The following DHRSX variants were observed in gnomAD, a reference collection of about 807,000 sequenced individuals.
The protein encoded by DHRSX is dehydrogenase/reductase X-linked.
Under a neutral mutation model 34.0 loss-of-function variants are expected in DHRSX, and 31 were observed. The observed-to-expected ratio is 0.91, with a 90% CI of 0.69 to 1.23. DHRSX has a LOEUF of 1.23. Ranked by LOEUF, DHRSX falls within the 50% of genes most tolerant of loss-of-function variation. DHRSX has a pLI of 0.00. For synonymous variants in DHRSX, 201 were observed against 183.8 expected, an observed-to-expected ratio of 1.09 and a Z score of -0.76; for missense variants, 414 against 428.1, an observed-to-expected ratio of 0.97 and a Z score of 0.29.
At chrX:2,351,069 G>C (rs187353185) in intron 3 of DHRSX, among the ~76,000 whole-genome samples, 1 of 152,010 alleles carries the variant, frequency 6.6e-6, no homozygotes, top group Non-Finnish European at 1.5e-5. Flanking sequence ...ATCACACACC[G>C]GGGCCTGTCA....
intron 3 of DHRSX, among the ~76,000 whole-genome samples, chrX:2,361,160 G>A (rs773487211): frequency 1.3e-5 from 2 of 152,070 alleles, no homozygotes; most frequent in East Asian, 1.9e-4. Context: ...CGCCAGGCTG[G>A]AGTGCAGTGG....
intron 1 of DHRSX, among the ~76,000 whole-genome samples, chrX:2,448,370 TACATAAA>T (rs2044167335): frequency 6.7e-6 from 1 of 150,212 alleles, no homozygotes; most frequent in Non-Finnish European, 1.5e-5. Context: ...TTTTTTCAGT[TACATAAA>T]AGAAATAAAT....
At chrX:2,491,895 TCA>T (rs1362374694) in intron 1 of DHRSX, among the ~76,000 whole-genome samples, 2 of 152,186 alleles carry the variant, frequency 1.3e-5, no homozygotes, top group Non-Finnish European at 2.9e-5. Flanking sequence ...GGTTGAATGC[TCA>T]CACATACAGG....
intron 6 of DHRSX, among the ~76,000 whole-genome samples, chrX:2,241,367 T>A (rs2016137884): frequency 6.6e-6 from 1 of 152,118 alleles, no homozygotes; most frequent in Non-Finnish European, 1.5e-5. Context: ...AGCCTCAAGA[T>A]CTCTCTAACT....
At chrX:2,488,835 C>T in intron 1 of DHRSX, 2 of 1,613,818 alleles carry the variant, frequency 1.2e-6, no homozygotes, top group South Asian at 2.2e-5. Context: ...TTGGCGCTGA[C>T]CACGTTGGCG....
chrX:2,347,608 C>T (rs1341519282), intron 3 of DHRSX, among the ~76,000 whole-genome samples: 4 of 152,116 alleles, frequency 2.6e-5, no homozygotes, highest in African/African-American at 4.8e-5. Context: ...GCAGGAGAAT[C>T]GCTGGAACCC....
intron 3 of DHRSX, among the ~76,000 whole-genome samples, chrX:2,378,173 AG>A (rs2043163546): frequency 6.6e-6 from 1 of 152,256 alleles, no homozygotes; most frequent in African/African-American, 2.4e-5. Flanking sequence ...TTTCTGCTCC[AG>A]GAATGTCCTT....
intron 4 of DHRSX, among the ~76,000 whole-genome samples, chrX:2,283,222 A>G (rs2041753047): frequency 2.0e-5 from 3 of 152,022 alleles, no homozygotes; most frequent in Admixed American, 1.3e-4. Flanking sequence ...GGCAGGGAAC[A>G]GCCTGCCGCA....
At chrX:2,372,255 C>A (rs149384484) in intron 3 of DHRSX, among the ~76,000 whole-genome samples, 2,459 of 152,238 alleles carry the variant, frequency 0.016, 71 homozygotes, top group African/African-American at 0.056. Flanking sequence ...GTTGGGAAAT[C>A]CATGCTTCTA....
intron 4 of DHRSX, among the ~76,000 whole-genome samples, chrX:2,291,287 T>C (rs112514645): frequency 0.16 from 24,636 of 152,142 alleles, 2,663 homozygotes; most frequent in Non-Finnish European, 0.23. Context: ...TACAACATGT[T>C]ATCGCGTTTA....
chrX:2,336,767 G>A (rs2042571249), intron 3 of DHRSX, among the ~76,000 whole-genome samples: 1 of 152,020 alleles, frequency 6.6e-6, no homozygotes. Context: ...TCCAGGACTG[G>A]AAAAGAATAA....
At chrX:2,479,318 A>G (rs1203344444) in intron 1 of DHRSX, among the ~76,000 whole-genome samples, 2 of 150,696 alleles carry the variant, frequency 1.3e-5, no homozygotes, top group African/African-American at 4.9e-5. Context: ...CACTGTGCAC[A>G]CTGAAGATGA....
At chrX:2,227,558 A>AGGAGGGAAGAAGGGAG (rs2015703280) in intron 6 of DHRSX, among the ~76,000 whole-genome samples, 1 of 131,740 alleles carries the variant, frequency 7.6e-6, no homozygotes, top group Non-Finnish European at 1.6e-5. Context: ...AAAGGGAGAA[A>AGGAGGGAAGAAGGGAG]GGAGGGAAGA....
intron 3 of DHRSX, among the ~76,000 whole-genome samples, chrX:2,359,733 C>G (rs1396238668): frequency 6.6e-6 from 1 of 152,002 alleles, no homozygotes; most frequent in Non-Finnish European, 1.5e-5. Flanking sequence ...CCATGGAATA[C>G]TATGCAGCCA....
At chrX:2,475,498 C>A (rs2044665776) in intron 1 of DHRSX, among the ~76,000 whole-genome samples, 1 of 150,998 alleles carries the variant, frequency 6.6e-6, no homozygotes, top group Non-Finnish European at 1.5e-5. Context: ...ACCATGGGGC[C>A]AACAGACTGC....
chrX:2,398,738 C>T (rs1177704425), intron 3 of DHRSX, among the ~76,000 whole-genome samples: 3 of 146,732 alleles, frequency 2.0e-5, no homozygotes, highest in South Asian at 2.2e-4. Context: ...GGTGCGATCT[C>T]GGCTCACTGA....
intron 2 of DHRSX, among the ~76,000 whole-genome samples, chrX:2,415,626 C>G (rs762680809): frequency 6.6e-6 from 1 of 151,182 alleles, no homozygotes; most frequent in East Asian, 2.0e-4. Context: ...CATACCCTAA[C>G]CCAACTAGAC....
intron 3 of DHRSX, among the ~76,000 whole-genome samples, chrX:2,403,828 C>T (rs1353754780): frequency 1.4e-5 from 2 of 146,222 alleles, no homozygotes; most frequent in South Asian, 2.1e-4. Context: ...TGCATTCTAA[C>T]GTGGGCAACA....
rs770136992 is a variant in DHRSX at position 2,311,326 on chromosome X, TTG to T, written c.287-19725_287-19724del. On this transcript the variant is annotated intron_variant, in intron 3 of 6. Transcript: ENST00000334651. The stretch of plus-strand genomic sequence containing the variant: ...TAAGTGGGTGACGCCTTTGTTTTCA[TTG>T]TGTTTACTACGATGGCCCTCCTCTC... 7.4e-4 allele frequency among the ~76,000 whole-genome samples: 113 copies of T among 152,196 alleles called. No homozygotes were observed. The Middle Eastern group carries it at 0.014, about 18-fold the overall frequency.
Sources: allele counts gnomAD v4.1 joint callset (sites outside exome capture counted in the v4.1 genomes callset), GRCh38; gene constraint gnomAD v4.1.1; transcripts MANE v1.5; gene names NCBI Gene and HGNC (gene_info 2026-07-23, HGNC 2026-07-21).